The following AFF3 variants were observed in gnomAD, a reference collection of about 807,000 sequenced individuals.
AFF3 encodes AF4/FMR2 family member 3.
A neutral mutation model predicts 129.7 loss-of-function variants in AFF3; 32 were observed. The ratio of observed to expected loss-of-function variants is 0.25; its 90% CI spans 0.19 to 0.33. The LOEUF (loss-of-function observed/expected upper bound fraction) is 0.33, where lower values mean the gene tolerates loss of function less well. Ranked by LOEUF, AFF3 falls within the 10% of genes least tolerant of loss-of-function variation. The pLI is 1.00. For missense variants in AFF3, 1,373 were observed against 1,592.0 expected (o/e 0.86, Z 2.34); for synonymous variants, 644 against 635.4 (o/e 1.01, Z -0.20).
chr2:99,953,955 T>G (rs1311570716), intron 7 of AFF3, among the ~76,000 whole-genome samples: 1 of 152,158 alleles, frequency 6.6e-6, no homozygotes, highest in African/African-American at 2.4e-5. Flanking sequence ...AGTGAGTGAC[T>G]GGGGAGACAC....
At chr2:100,138,894 G>A (rs1414605336) in intron 1 of AFF3, among the ~76,000 whole-genome samples, 3 of 133,678 alleles carry the variant, frequency 2.2e-5, no homozygotes, top group African/African-American at 5.8e-5. Context: ...GCAGTGAGCC[G>A]AAATCATGGC....
At chr2:100,032,184 T>C (rs184735950) in intron 4 of AFF3, among the ~76,000 whole-genome samples, 234 of 152,238 alleles carry the variant, frequency 1.5e-3, no homozygotes, top group African/African-American at 5.5e-3. Flanking sequence ...CCTAGCACTT[T>C]GGGTGGGACA....
chr2:100,138,679 C>T (rs1573482093), intron 1 of AFF3, among the ~76,000 whole-genome samples: 1 of 152,254 alleles, frequency 6.6e-6, no homozygotes, highest in African/African-American at 2.4e-5. Flanking sequence ...TGCAGTGGCT[C>T]ATGCCTGTAA....
At chr2:99,891,424 G>A (rs75670372) in intron 7 of AFF3, among the ~76,000 whole-genome samples, 1,936 of 152,266 alleles carry the variant, frequency 0.013, 40 homozygotes, top group African/African-American at 0.044. Flanking sequence ...TCAAAATGCA[G>A]AATAAAAAGA....
At chr2:99,844,519 C>T (rs1382237035) in intron 7 of AFF3, among the ~76,000 whole-genome samples, 4 of 138,880 alleles carry the variant, frequency 2.9e-5, no homozygotes, top group African/African-American at 1.1e-4. Flanking sequence ...CTCACTGCAA[C>T]CTCTGCCTCC....
At chr2:100,041,680 C>G (rs1176101067) in intron 4 of AFF3, among the ~76,000 whole-genome samples, 2 of 152,178 alleles carry the variant, frequency 1.3e-5, no homozygotes, top group Non-Finnish European at 2.9e-5. Flanking sequence ...CTCGGAGGAA[C>G]AATTTATGCC....
In AFF3 at chr2:100,007,158, T is replaced by C. The variant is rs777939265; in HGVS notation, c.477A>G (p.Gln159=). 23 of 1,614,008 alleles carry C rather than the reference T, an allele frequency of 1.4e-5. No individual in the cohort carries two copies. The highest frequency in any genetic ancestry group is 1.9e-5 in the Non-Finnish European group (23 of 1,179,998). ...TGTGCCTGTGCTTACTTGCTCTCTG[T>C]TGGCCGTCAGAGGGTGGGTGCCCAG... The part of the protein sequence containing the change: ...QKAGHPPSDG[Q]QRATQQGSLR... The change falls in exon 6 of 25, where the codon CAA becomes CAG. Residue 159 remains glutamine (Q), a synonymous_variant. Transcript: ENST00000672756.
At chr2:99,578,272 G>A (rs1677183492) in intron 18 of AFF3, 55 bp downstream of exon 18, 1 of 1,519,452 alleles carries the variant, frequency 6.6e-7, no homozygotes, top group Admixed American at 2.4e-5. Context: ...CCTTCCACCT[G>A]AGCAGCTTCT....
At chr2:100,059,851 T>C (rs1173118556) in intron 4 of AFF3, among the ~76,000 whole-genome samples, 4 of 152,142 alleles carry the variant, frequency 2.6e-5, no homozygotes, top group Non-Finnish European at 4.4e-5. Flanking sequence ...GCAAGTGCCT[T>C]TGAAAGAGGA....
intron 18 of AFF3, among the ~76,000 whole-genome samples, chr2:99,575,172 T>G (rs1414923768): frequency 6.6e-6 from 1 of 152,178 alleles, no homozygotes; most frequent in East Asian, 1.9e-4. Context: ...CTGGGAGACG[T>G]TTTGCACAAT....
chr2:100,084,659 C>T (rs1161311094), intron 4 of AFF3, among the ~76,000 whole-genome samples: 7 of 151,322 alleles, frequency 4.6e-5, no homozygotes, highest in African/African-American at 1.5e-4. Flanking sequence ...TATTATGCAT[C>T]GTTTAAAAAT....
chr2:99,701,872 T>C (rs987426751), intron 11 of AFF3, among the ~76,000 whole-genome samples: 5 of 152,234 alleles, frequency 3.3e-5, no homozygotes, highest in Non-Finnish European at 5.9e-5. Context: ...TCCGTCTCTA[T>C]AGTTATGCTA....
chr2:100,036,543 G>A (rs1431632428), intron 4 of AFF3, among the ~76,000 whole-genome samples: 3 of 151,398 alleles, frequency 2.0e-5, no homozygotes, highest in African/African-American at 7.3e-5. Flanking sequence ...AAGAAAGGCA[G>A]GGGCTGGCAT....
intron 7 of AFF3, among the ~76,000 whole-genome samples, chr2:99,964,802 T>C (rs1677583486): frequency 6.6e-6 from 1 of 152,222 alleles, no homozygotes; most frequent in Non-Finnish European, 1.5e-5. Context: ...TTTGTGGTCA[T>C]GAAACTCTTC....
chr2:99,862,940 C>A (rs550908036), intron 7 of AFF3, among the ~76,000 whole-genome samples: 30 of 152,354 alleles, frequency 2.0e-4, no homozygotes, highest in Admixed American at 5.9e-4. Context: ...ATGATGCTAT[C>A]TTGGCAAACT....
intron 7 of AFF3, among the ~76,000 whole-genome samples, chr2:99,928,314 T>C (rs965096387): frequency 1.3e-5 from 2 of 152,180 alleles, no homozygotes; most frequent in African/African-American, 4.8e-5. Flanking sequence ...AGCAGGTAAA[T>C]GGCATTATGT....
At chr2:99,693,952 C>G (rs766582737) in intron 11 of AFF3, among the ~76,000 whole-genome samples, 10 of 151,472 alleles carry the variant, frequency 6.6e-5, no homozygotes, top group Non-Finnish European at 1.3e-4. Flanking sequence ...GAGTCTCACT[C>G]TGTCACCCAG....
intron 13 of AFF3, among the ~76,000 whole-genome samples, chr2:99,644,924 C>T (rs1304605163): frequency 1.3e-5 from 2 of 152,166 alleles, no homozygotes; most frequent in African/African-American, 4.8e-5. Flanking sequence ...GCATCAAATA[C>T]ACCGACCCAC....
intron 11 of AFF3, among the ~76,000 whole-genome samples, chr2:99,675,721 T>C (rs1687546880): frequency 6.6e-6 from 1 of 152,154 alleles, no homozygotes; most frequent in African/African-American, 2.4e-5. Context: ...CACAGGATCA[T>C]AGGAACTGTC....
Sources: allele counts gnomAD v4.1 joint callset (sites outside exome capture counted in the v4.1 genomes callset), GRCh38; gene constraint gnomAD v4.1.1; transcripts MANE v1.5; gene names NCBI Gene and HGNC (gene_info 2026-07-23, HGNC 2026-07-21).